Variants in CELF4 observed in about 807,000 individuals in gnomAD.
The protein encoded by CELF4 is CUG-BP- and ETR-3-like factor 4.
CELF4 carries 18 observed loss-of-function variants against 59.9 expected under a neutral mutation model. The observed-to-expected ratio is 0.30, with a 90% CI of 0.21 to 0.45. The LOEUF is 0.45. CELF4 is among the 20% of genes least tolerant of loss of function. The pLI is 1.00. For missense variants in CELF4, 456 were observed against 689.0 expected (o/e 0.66, Z 3.79); for synonymous variants, 261 against 267.1 (o/e 0.98, Z 0.22).
chr18:37,393,482 GGGCCCA>G (rs2099192354), intron 2 of CELF4, among the ~76,000 whole-genome samples: 1 of 152,238 alleles, frequency 6.6e-6, no homozygotes, highest in African/African-American at 2.4e-5. Context: ...TTGGACACTT[GGGCCCA>G]GGTCTGGGTG....
At chr18:37,342,830 C>T (rs2098106571) in intron 2 of CELF4, among the ~76,000 whole-genome samples, 1 of 152,230 alleles carries the variant, frequency 6.6e-6, no homozygotes, top group African/African-American at 2.4e-5. Context: ...TCACCACTCC[C>T]ATTAGTGCAA....
At chr18:37,490,355 T>A (rs1314814501) in intron 1 of CELF4, among the ~76,000 whole-genome samples, 1 of 152,138 alleles carries the variant, frequency 6.6e-6, no homozygotes, top group Non-Finnish European at 1.5e-5. Flanking sequence ...TGTATTCATG[T>A]ATCACTTGCA....
At chr18:37,318,355 C>T (rs572467399) in intron 3 of CELF4, among the ~76,000 whole-genome samples, 6 of 151,998 alleles carry the variant, frequency 3.9e-5, no homozygotes, top group African/African-American at 1.4e-4. Flanking sequence ...TCCTCCTGCC[C>T]GCTGCCGTCA....
At chr18:37,489,283 A>G (rs2099891624) in intron 1 of CELF4, among the ~76,000 whole-genome samples, 1 of 152,254 alleles carries the variant, frequency 6.6e-6, no homozygotes, top group African/African-American at 2.4e-5. Flanking sequence ...CCGGGGTTCA[A>G]AAGAAGGGAC....
chr18:37,445,427 G>A (rs1273716505), intron 2 of CELF4, among the ~76,000 whole-genome samples: 1 of 151,964 alleles, frequency 6.6e-6, no homozygotes, highest in African/African-American at 2.4e-5. Flanking sequence ...GGGTGTCTGG[G>A]GCCTGCAGCT....
At chr18:37,390,802 C>CGGAGGGGGG (rs139992661) in intron 2 of CELF4, among the ~76,000 whole-genome samples, 2 of 57,838 alleles carry the variant, frequency 3.5e-5, no homozygotes, top group Non-Finnish European at 6.4e-5. Context: ...GGTGATGGGG[C>CGGAGGGGGG]GGGGAGGGGG....
intron 2 of CELF4, among the ~76,000 whole-genome samples, chr18:37,456,720 G>A (rs889777417): frequency 1.3e-5 from 2 of 152,156 alleles, no homozygotes; most frequent in Non-Finnish European, 2.9e-5. Flanking sequence ...ACAGAGCCAG[G>A]CCTGTACCCT....
At chr18:37,336,149 C>G (rs1467272412) in intron 2 of CELF4, among the ~76,000 whole-genome samples, 1 of 152,212 alleles carries the variant, frequency 6.6e-6, no homozygotes, top group Non-Finnish European at 1.5e-5. Context: ...ACAGCCAGCC[C>G]CAGGAGCCTC....
chr18:37,309,122 A>G (rs926276730), intron 3 of CELF4, among the ~76,000 whole-genome samples: 1 of 152,198 alleles, frequency 6.6e-6, no homozygotes, highest in African/African-American at 2.4e-5. Context: ...CCCAGCCTGA[A>G]GACTGAGGCA....
At chr18:37,466,067 T>A (rs147096703) in intron 2 of CELF4, among the ~76,000 whole-genome samples, 1 of 152,186 alleles carries the variant, frequency 6.6e-6, no homozygotes, top group African/African-American at 2.4e-5. Flanking sequence ...CATCCCCCTT[T>A]CTAGGCCAGC....
intron 3 of CELF4, among the ~76,000 whole-genome samples, chr18:37,286,395 A>G (rs1175935197): frequency 1.3e-5 from 2 of 152,176 alleles, no homozygotes; most frequent in Admixed American, 6.5e-5. Context: ...AACATTAGCC[A>G]CAGGCTGACC....
rs577078078 is a variant in CELF4, at chr18:37,408,499, G to A, written c.369+77026C>T. Among the ~76,000 whole-genome samples the A allele has an allele frequency of 5.2e-4, 33 of 63,924 alleles. 1 individual carries two copies. In the South Asian group the frequency reaches 7.6e-3, roughly 15 times the overall value. The allele number at this position is 63,924 out of a possible 152,430, so 41.9% of individuals were successfully genotyped here. On this transcript the variant is annotated intron_variant, in intron 2 of 12. Coordinates refer to ENST00000420428, the MANE Select transcript of CELF4 (RefSeq NM_020180.4). ...TCCCCCTTTGGTTGGTGCCGGGGGG[G>A]GGCGCGGTGCAGGAGGATGTGAGAG...
At chr18:37,348,437 C>T (rs2098344838) in intron 2 of CELF4, among the ~76,000 whole-genome samples, 1 of 152,196 alleles carries the variant, frequency 6.6e-6, no homozygotes, top group Non-Finnish European at 1.5e-5. Context: ...CCTGTCCATC[C>T]CACATCACAT....
intron 2 of CELF4, among the ~76,000 whole-genome samples, chr18:37,325,139 G>A (rs2097261150): frequency 1.3e-5 from 2 of 149,522 alleles, no homozygotes; most frequent in Non-Finnish European, 3.0e-5. Context: ...AGAATCTGTT[G>A]GGCTTTGTCG....
In CELF4 at chr18:37,434,994, C is replaced by T. The variant is rs117711969; in HGVS notation, c.369+50531G>A. Among the ~76,000 whole-genome samples, 650 of 152,198 alleles carry T rather than the reference C, an allele frequency of 4.3e-3. 2 individuals are homozygous for T. The highest frequency in any genetic ancestry group is 7.2e-3 in the Non-Finnish European group (487 of 67,998). On this transcript the variant is annotated intron_variant, in intron 2 of 12. Transcript: ENST00000420428. ...CAAAACTCTTGGGGGAGAAAAATGG[C>T]AAGTCCACAGGAGGGGGGGATCCAG...
intron 2 of CELF4, among the ~76,000 whole-genome samples, chr18:37,404,108 A>G (rs11660741): frequency 0.56 from 85,895 of 152,090 alleles, 26,571 homozygotes; most frequent in South Asian, 0.81. Flanking sequence ...GCCTTGTCAC[A>G]GTTACTCCTC....
In CELF4 at chr18:37,475,483, G is replaced by A. The variant is rs145804783; in HGVS notation, c.369+10042C>T. On this transcript the variant is annotated intron_variant, in intron 2 of 12. Coordinates refer to ENST00000420428, the MANE Select transcript of CELF4 (RefSeq NM_020180.4). ...GTGCTGTTGACCTGCAGAGGCTCAG[G>A]CAAGGGCGAGATCAGTGTTGGTTAG... Among the ~76,000 whole-genome samples, 10 of 152,316 alleles carry A rather than the reference G, an allele frequency of 6.6e-5. No individual in the cohort carries two copies. The East Asian group carries it at 1.9e-3, about 29-fold the overall frequency.
chr18:37,514,588 C>A (rs982064666), intron 1 of CELF4, among the ~76,000 whole-genome samples: 2 of 152,140 alleles, frequency 1.3e-5, no homozygotes, highest in Admixed American at 6.5e-5. Flanking sequence ...TGAAACCAAC[C>A]AATTGAGCTC....
chr18:37,537,569 C>T (rs2099974516), intron 1 of CELF4, among the ~76,000 whole-genome samples: 1 of 152,152 alleles, frequency 6.6e-6, no homozygotes, highest in Non-Finnish European at 1.5e-5. Context: ...TACAGGTCTT[C>T]GGGGACCATT....
Sources: gnomAD v4.1 joint callset for allele counts (sites outside exome capture counted in the v4.1 genomes callset) on GRCh38, gnomAD v4.1.1 for gene constraint, MANE v1.5 for transcripts, NCBI Gene and HGNC (gene_info 2026-07-23, HGNC 2026-07-21) for gene names.